SAMMSON: variants seen among roughly 807,000 people sequenced by gnomAD.
SAMMSON encodes the protein long intergenic non-protein coding RNA 1212.
rs1219456101 is a variant in SAMMSON, at chr3:70,165,752, T to G, written n.508-83355T>G. ...GGAAGATGCTTCTCTGTCTACTCTT[T>G]TAAAGTTCTTGCTCATCAAATTTAC... On this transcript the variant is annotated intron_variant and non_coding_transcript_variant, in intron 4 of 9. Transcript: ENST00000642114. 2.0e-5 allele frequency among the ~76,000 whole-genome samples: 3 copies of G among 151,990 alleles called. No individual in the cohort carries two copies. In the East Asian group the frequency reaches 5.8e-4, roughly 29 times the overall value.
chr3:70,132,646 A>G (rs2067486991), intron 4 of SAMMSON, among the ~76,000 whole-genome samples: 1 of 151,834 alleles, frequency 6.6e-6, no homozygotes, highest in Admixed American at 6.6e-5. Flanking sequence ...TCCTTTCCAA[A>G]TTTCGGAACC....
At chr3:70,002,712 A>G (rs1311818530) in intron 1 of SAMMSON, among the ~76,000 whole-genome samples, 1 of 152,168 alleles carries the variant, frequency 6.6e-6, no homozygotes, top group Non-Finnish European at 1.5e-5. Context: ...TAGTTGCTAG[A>G]GGTCAGAGAA....
chr3:70,047,432 G>A (rs1053036444), intron 3 of SAMMSON, among the ~76,000 whole-genome samples: 1 of 151,368 alleles, frequency 6.6e-6, no homozygotes, highest in African/African-American at 2.4e-5. Context: ...TGCCTCCTGG[G>A]TTCAAGCGAT....
chr3:70,246,568 A>G (rs2106646608), intron 4 of SAMMSON, among the ~76,000 whole-genome samples: 1 of 152,222 alleles, frequency 6.6e-6, no homozygotes, highest in East Asian at 1.9e-4. Context: ...ATAATGAATC[A>G]GTTGTTAGTA....
chr3:70,015,754 C>A (rs569175074), intron 3 of SAMMSON, among the ~76,000 whole-genome samples: 2 of 152,226 alleles, frequency 1.3e-5, no homozygotes, highest in South Asian at 4.1e-4. Context: ...TGATGTTCCC[C>A]TTCCTGTGTC....
chr3:70,042,390 G>A (rs1404643921), intron 3 of SAMMSON, among the ~76,000 whole-genome samples: 1 of 152,072 alleles, frequency 6.6e-6, no homozygotes, highest in African/African-American at 2.4e-5. Context: ...TTCCATGAAT[G>A]GTGGAATTGT....
chr3:70,379,179 A>G (rs975508006), intron 9 of SAMMSON, among the ~76,000 whole-genome samples: 9 of 152,054 alleles, frequency 5.9e-5, no homozygotes, highest in Non-Finnish European at 1.2e-4. Flanking sequence ...ACATCTGGCT[A>G]ATTTTTGTAT....
intron 4 of SAMMSON, among the ~76,000 whole-genome samples, chr3:70,237,780 C>T (rs1277772500): frequency 2.0e-5 from 3 of 152,084 alleles, no homozygotes; most frequent in Admixed American, 6.6e-5. Context: ...ATTTGTATGC[C>T]GGTGCCATGG....
At chr3:70,399,324 G>T (rs539332535) in intron 2 of SAMMSON, among the ~76,000 whole-genome samples, 1 of 152,150 alleles carries the variant, frequency 6.6e-6, no homozygotes, top group South Asian at 2.1e-4. Context: ...CTGTTAAATG[G>T]GGTAGAAATT....
intron 4 of SAMMSON, among the ~76,000 whole-genome samples, chr3:70,081,274 C>T (rs2067266853): frequency 1.3e-5 from 2 of 152,080 alleles, no homozygotes; most frequent in South Asian, 2.1e-4. Context: ...CCACCATGCC[C>T]GGCTAATTTT....
At chr3:70,216,555 A>G (rs1701414141) in intron 4 of SAMMSON, among the ~76,000 whole-genome samples, 1 of 152,106 alleles carries the variant, frequency 6.6e-6, no homozygotes, top group Admixed American at 6.6e-5. Flanking sequence ...CCTGGCTCCA[A>G]GTCCATGTTC....
chr3:70,179,467 C>T (rs1396425169), intron 4 of SAMMSON, among the ~76,000 whole-genome samples: 1 of 152,206 alleles, frequency 6.6e-6, no homozygotes, highest in East Asian at 1.9e-4. Context: ...CAGCGCCCTG[C>T]TCCCTCAGCT....
chr3:70,166,730 C>A (rs2067638885), intron 4 of SAMMSON, among the ~76,000 whole-genome samples: 1 of 151,890 alleles, frequency 6.6e-6, no homozygotes, highest in Non-Finnish European at 1.5e-5. Context: ...CTGAAAATTG[C>A]CTGTGACAAT....
chr3:70,078,573 C>T (rs190324597), intron 4 of SAMMSON, among the ~76,000 whole-genome samples: 5 of 152,252 alleles, frequency 3.3e-5, no homozygotes, highest in East Asian at 1.9e-4. Flanking sequence ...GTGGTTACCT[C>T]GATTTATCTG....
intron 4 of SAMMSON, among the ~76,000 whole-genome samples, chr3:70,158,994 T>C (rs1261647368): frequency 1.3e-5 from 2 of 152,022 alleles, no homozygotes; most frequent in Non-Finnish European, 2.9e-5. Context: ...TTTCATGACA[T>C]GTTTATATTT....
intron 6 of SAMMSON, among the ~76,000 whole-genome samples, chr3:70,261,629 C>T (rs577359240): frequency 6.6e-6 from 1 of 152,266 alleles, no homozygotes; most frequent in South Asian, 2.1e-4. Context: ...TCACTTTCAA[C>T]AATTTCTACC....
chr3:70,378,113 A>T (rs1703036436), intron 9 of SAMMSON, among the ~76,000 whole-genome samples: 1 of 151,388 alleles, frequency 6.6e-6, no homozygotes, highest in Admixed American at 6.6e-5. Flanking sequence ...AAGTAAAAGC[A>T]CTAGTATTTA....
intron 4 of SAMMSON, among the ~76,000 whole-genome samples, chr3:70,178,417 G>A (rs373672734): frequency 1.3e-5 from 2 of 152,240 alleles, no homozygotes; most frequent in African/African-American, 2.4e-5. Context: ...GTCTCGGACC[G>A]AACAAGAATA....
chr3:70,057,656 G>T (rs1451891438), intron 3 of SAMMSON, among the ~76,000 whole-genome samples: 1 of 151,010 alleles, frequency 6.6e-6, no homozygotes. Context: ...GTATATGGAT[G>T]AGTGTGTGTG....
Sources: gnomAD v4.1 joint callset for allele counts (sites outside exome capture counted in the v4.1 genomes callset) on GRCh38, gnomAD v4.1.1 for gene constraint, MANE v1.5 for transcripts, NCBI Gene and HGNC (gene_info 2026-07-23, HGNC 2026-07-21) for gene names.